SLC14A2: variants seen among roughly 807,000 people sequenced by gnomAD.
SLC14A2 encodes the protein solute carrier family 14 member 2.
A neutral mutation model predicts 104.6 loss-of-function variants in SLC14A2; 91 were observed. The ratio of observed to expected loss-of-function variants is 0.87; its 90% CI spans 0.73 to 1.04. SLC14A2 has a LOEUF of 1.04. Ranked by LOEUF, SLC14A2 falls within the 50% of genes least tolerant of loss-of-function variation. The probability of loss-of-function intolerance (pLI) is 0.00; values close to 1 mark genes in which losing one functional copy is unlikely to be tolerated. For synonymous variants in SLC14A2, 476 were observed against 466.4 expected (o/e 1.02, Z -0.27); for missense variants, 1,189 against 1,156.0 (o/e 1.03, Z -0.41).
At chr18:45,609,262 C>T (rs184513898) in intron 2 of SLC14A2, among the ~76,000 whole-genome samples, 3 of 152,204 alleles carry the variant, frequency 2.0e-5, no homozygotes, top group Admixed American at 6.5e-5. Context: ...CTCTCCTCTC[C>T]TCCTTTACCT....
At chr18:45,267,185 C>T (rs1010989626) in intron 1 of SLC14A2, among the ~76,000 whole-genome samples, 13 of 152,214 alleles carry the variant, frequency 8.5e-5, no homozygotes, top group Admixed American at 3.3e-4. Context: ...TGTAGAGTCA[C>T]GTTTTCAAAC....
intron 1 of SLC14A2, among the ~76,000 whole-genome samples, chr18:45,369,836 C>G (rs903224668): frequency 2.0e-5 from 3 of 152,218 alleles, no homozygotes; most frequent in Non-Finnish European, 4.4e-5. Context: ...AATACACCCT[C>G]TAAATTGTCC....
intron 1 of SLC14A2, among the ~76,000 whole-genome samples, chr18:45,462,073 TATC>T (rs1484187216): frequency 6.6e-6 from 1 of 152,190 alleles, no homozygotes; most frequent in African/African-American, 2.4e-5. Flanking sequence ...AACATCAAGT[TATC>T]ATTGAATGAG....
chr18:45,414,471 CT>C (rs1476129182), intron 1 of SLC14A2, among the ~76,000 whole-genome samples: 5 of 152,052 alleles, frequency 3.3e-5, no homozygotes, highest in Non-Finnish European at 7.4e-5. Context: ...TCTTCCCTCT[CT>C]CATCAGTCTC....
chr18:45,212,621 T>C (rs1259397868), upstream of SLC14A2, among the ~76,000 whole-genome samples: 1 of 152,200 alleles, frequency 6.6e-6, no homozygotes, highest in Non-Finnish European at 1.5e-5. Context: ...CTTATCTATA[T>C]AATCTAACGC....
intron 1 of SLC14A2, among the ~76,000 whole-genome samples, chr18:45,449,709 G>A (rs1289678633): frequency 2.0e-5 from 3 of 152,162 alleles, no homozygotes; most frequent in Non-Finnish European, 4.4e-5. Context: ...AGTTGATGGG[G>A]CGTAAAAGTT....
intron 16 of SLC14A2, among the ~76,000 whole-genome samples, chr18:45,671,200 A>T (rs2046128665): frequency 1.3e-5 from 2 of 152,174 alleles, no homozygotes; most frequent in Admixed American, 1.3e-4. Context: ...TTCAGTTGAG[A>T]AGAAATTTTG....
chr18:45,472,010 A>G (rs2087258769), intron 1 of SLC14A2, among the ~76,000 whole-genome samples: 2 of 151,940 alleles, frequency 1.3e-5, no homozygotes, highest in Admixed American at 6.6e-5. Context: ...TATTTCTCCT[A>G]ATGCTATCCT....
intron 1 of SLC14A2, among the ~76,000 whole-genome samples, chr18:45,243,082 C>T (rs916507831): frequency 6.6e-6 from 1 of 152,082 alleles, no homozygotes; most frequent in Non-Finnish European, 1.5e-5. Context: ...TTAATTTGGC[C>T]TTTTGGGCCT....
At position 45,644,705 on chromosome 18, in the gene SLC14A2, A is replaced by G. The variant is rs1374726308; in HGVS notation, c.1351+545A>G. Reference sequence around the variant, plus strand: ...ACGATTGGGGCAGGGAATTATCTAAATAAGGAGTCTTAACCATTCAGTGGT... The same window carrying G: ...ACGATTGGGGCAGGGAATTATCTAAGTAAGGAGTCTTAACCATTCAGTGGT... On this transcript the variant is annotated intron_variant, in intron 10 of 19. Coordinates refer to ENST00000255226, the MANE Select transcript of SLC14A2 (RefSeq NM_007163.4). Among the ~76,000 whole-genome samples, 4 of 152,160 alleles carry G rather than the reference A, an allele frequency of 2.6e-5. No individual in the cohort carries two copies. The East Asian group carries it at 7.7e-4, about 29-fold the overall frequency.
At position 45,284,820 on chromosome 18, in the gene SLC14A2, G is replaced by A. The variant is rs2084797524; in HGVS notation, c.-125+71629G>A. Among the ~76,000 whole-genome samples, 3 of 152,156 alleles carry A rather than the reference G, an allele frequency of 2.0e-5. No homozygotes were observed. The South Asian group carries it at 6.2e-4, about 32-fold the overall frequency. On this transcript the variant is annotated intron_variant, in intron 1 of 20. Coordinates refer to the SLC14A2 transcript ENST00000586448. Reference sequence around the variant, plus strand: ...GAGTTAGTGCATCGATGAACTAGAAGTATGGAATGCAAATGGGAATGATGA... The same window carrying A: ...GAGTTAGTGCATCGATGAACTAGAAATATGGAATGCAAATGGGAATGATGA...
At chr18:45,654,017 C>G (rs183055640) in intron 10 of SLC14A2, among the ~76,000 whole-genome samples, 82 of 152,300 alleles carry the variant, frequency 5.4e-4, no homozygotes, top group African/African-American at 1.8e-3. Context: ...AGCTACCAGA[C>G]AGTCCCCAGC....
At chr18:45,411,343 A>G (rs2086213646) in intron 1 of SLC14A2, among the ~76,000 whole-genome samples, 3 of 152,358 alleles carry the variant, frequency 2.0e-5, no homozygotes, top group East Asian at 1.9e-4. Flanking sequence ...ATTAAGATAA[A>G]TGGAATCTCA....
intron 2 of SLC14A2, among the ~76,000 whole-genome samples, chr18:45,577,674 G>C (rs1333510288): frequency 6.6e-6 from 1 of 152,122 alleles, no homozygotes; most frequent in Admixed American, 6.5e-5. Flanking sequence ...AAATGAAAAT[G>C]ACAGGGGTTG....
chr18:45,217,864 A>G (rs1277286692), intron 1 of SLC14A2, among the ~76,000 whole-genome samples: 9 of 152,154 alleles, frequency 5.9e-5, no homozygotes, highest in Non-Finnish European at 1.2e-4. Flanking sequence ...TACCTCCTAT[A>G]TCACAGAAGA....
intron 2 of SLC14A2, among the ~76,000 whole-genome samples, chr18:45,549,767 T>G (rs2044029942): frequency 6.6e-6 from 1 of 152,138 alleles, no homozygotes. Flanking sequence ...GTGCTGAGTT[T>G]CTTGTGTTTT....
intron 1 of SLC14A2, among the ~76,000 whole-genome samples, chr18:45,340,676 T>A (rs2085384789): frequency 6.6e-6 from 1 of 152,236 alleles, no homozygotes; most frequent in South Asian, 2.1e-4. Flanking sequence ...ATTGAAAGCA[T>A]TCTTTCTCTG....
At chr18:45,312,694 C>T (rs186763005) in intron 1 of SLC14A2, among the ~76,000 whole-genome samples, 4 of 152,294 alleles carry the variant, frequency 2.6e-5, no homozygotes, top group East Asian at 1.9e-4. Context: ...GCTAATTGCT[C>T]GTCTGGTTAG....
intron 1 of SLC14A2, among the ~76,000 whole-genome samples, chr18:45,316,978 G>A (rs751622196): frequency 2.6e-5 from 4 of 152,208 alleles, no homozygotes; most frequent in Non-Finnish European, 5.9e-5. Flanking sequence ...GCAAACCTAT[G>A]AACTGGGCAT....
Sources: gnomAD v4.1 joint callset for allele counts (sites outside exome capture counted in the v4.1 genomes callset) on GRCh38, gnomAD v4.1.1 for gene constraint, MANE v1.5 for transcripts, NCBI Gene and HGNC (gene_info 2026-07-23, HGNC 2026-07-21) for gene names.